The following VPS26C variants were observed in gnomAD, a reference collection of about 807,000 sequenced individuals.
VPS26C encodes the protein vacuolar protein sorting-associated protein 26C.
A neutral mutation model predicts 30.6 loss-of-function variants in VPS26C; 19 were observed. The observed-to-expected ratio is 0.62, with a 90% CI of 0.43 to 0.91. The LOEUF is 0.91. VPS26C is among the 40% of genes least tolerant of loss of function. VPS26C has a pLI of 0.00. For synonymous variants in VPS26C, 132 were observed against 151.5 expected, an observed-to-expected ratio of 0.87 and a Z score of 0.95; for missense variants, 318 against 385.1, an observed-to-expected ratio of 0.83 and a Z score of 1.46.
chr21:37,225,543 G>A lies in VPS26C; in HGVS notation c.*1C>T. 1 of 1,613,706 alleles carries A rather than the reference G, an allele frequency of 6.2e-7. No homozygotes were observed. The highest frequency in any genetic ancestry group is 8.5e-7 in the Non-Finnish European group (1 of 1,179,610). On this transcript the variant is annotated 3_prime_UTR_variant, in exon 8 of 8. Transcript: ENST00000309117. ...CGTTCTCTATGCTTCCCTCCTCCGG[G>A]CTATATCCTGCAGAGCTTCAGCGGG... is the stretch of plus-strand genomic sequence containing the variant.
At chr21:37,227,550 G>A in intron 7 of VPS26C, 104 bp downstream of exon 7, 2 of 1,345,898 alleles carry the variant, frequency 1.5e-6, no homozygotes, top group Non-Finnish European at 1.0e-6. Context: ...GGCACTGAGG[G>A]ACCGAAGGGC....
chr21:37,265,545 G>A lies in VPS26C; in HGVS notation c.57+1693C>T, dbSNP rs372882002. Among the ~76,000 whole-genome samples the A allele has an allele frequency of 3.9e-5, 6 of 152,108 alleles. No homozygotes were observed. The East Asian group carries it at 1.2e-3, about 29-fold the overall frequency. On this transcript the variant is annotated intron_variant, in intron 1 of 7. Transcript: ENST00000309117. Reference sequence around the variant, plus strand: ...TATACAACAATTATAGTCCATAGTCGAATTTATATTTTATCAGAAATTAAG... The same window carrying A: ...TATACAACAATTATAGTCCATAGTCAAATTTATATTTTATCAGAAATTAAG...
intron 1 of VPS26C, among the ~76,000 whole-genome samples, chr21:37,244,780 G>A (rs1354518861): frequency 6.6e-6 from 1 of 152,184 alleles, no homozygotes; most frequent in Non-Finnish European, 1.5e-5. Context: ...GTTAAAAGAA[G>A]TGAAGACTGA....
intron 1 of VPS26C, among the ~76,000 whole-genome samples, chr21:37,255,851 AT>A (rs375877407): frequency 0.14 from 15,615 of 108,206 alleles, 1,270 homozygotes; most frequent in East Asian, 0.27. Context: ...TATGCACTGC[AT>A]TTTTTTTTTT....
At chr21:37,240,413 C>T in intron 2 of VPS26C, 83 bp downstream of exon 2, 1 of 1,509,952 alleles carries the variant, frequency 6.6e-7, no homozygotes, top group Non-Finnish European at 9.0e-7. Flanking sequence ...GCCTGAGCCA[C>T]TGCGCCTGGC....
chr21:37,253,251 GGCATGCTT>G (rs1274375092), intron 1 of VPS26C, among the ~76,000 whole-genome samples: 1 of 152,100 alleles, frequency 6.6e-6, no homozygotes, highest in African/African-American at 2.4e-5. Flanking sequence ...CAACTTTTTT[GGCATGCTT>G]GCTGTATCAG....
chr21:37,232,852 T>C (rs193111369), intron 4 of VPS26C, among the ~76,000 whole-genome samples: 1 of 152,296 alleles, frequency 6.6e-6, no homozygotes, highest in Admixed American at 6.5e-5. Flanking sequence ...AGTGGCCTGC[T>C]CAGCTCAGTG....
At chr21:37,244,696 A>G (rs935175739) in intron 1 of VPS26C, among the ~76,000 whole-genome samples, 5 of 152,260 alleles carry the variant, frequency 3.3e-5, no homozygotes, top group Non-Finnish European at 7.3e-5. Context: ...CCAAAGAATG[A>G]GAACCAAAAC....
At chr21:37,263,960 T>G (rs1019408761) in intron 1 of VPS26C, among the ~76,000 whole-genome samples, 6 of 152,162 alleles carry the variant, frequency 3.9e-5, no homozygotes, top group African/African-American at 1.4e-4. Context: ...ACATATGCAC[T>G]GTCTGCAGTC....
intron 1 of VPS26C, among the ~76,000 whole-genome samples, chr21:37,247,871 C>CAATTCTAAAGGAGCA (rs2086152833): frequency 6.6e-6 from 1 of 152,108 alleles, no homozygotes; most frequent in African/African-American, 2.4e-5. Flanking sequence ...AGGAGCAACT[C>CAATTCTAAAGGAGCA]ACAATAAAGA....
chr21:37,267,405 T>C, upstream of VPS26C: 2 of 905,426 alleles, frequency 2.2e-6, no homozygotes, highest in Admixed American at 2.0e-5. Flanking sequence ...CTGCCGGCAG[T>C]GGCTCACGTG....
rs143372105 is a variant in VPS26C at position 37,233,006 on chromosome 21, G to C, written c.432+356C>G. Reference sequence around the variant, plus strand: ...ATCACCTCCATGTTACATAATTTCAGAATCTACAGATACAGCCGAGCTTCA... The same window carrying C: ...ATCACCTCCATGTTACATAATTTCACAATCTACAGATACAGCCGAGCTTCA... On this transcript the variant is annotated intron_variant, in intron 4 of 7. Coordinates refer to ENST00000309117, the MANE Select transcript of VPS26C (RefSeq NM_006052.2). The surrounding 1 kb of genome is among the most constrained non-coding windows in gnomAD (Gnocchi z 5.2). Among the ~76,000 whole-genome samples, 265 of 152,270 alleles carry C rather than the reference G, an allele frequency of 1.7e-3. No homozygotes were observed. Among genetic ancestry groups the C allele is most frequent in the Admixed American group, 3.0e-3 (46 of 15,302 alleles).
In VPS26C at chr21:37,226,353, C is replaced by A. The variant is rs1000086277; in HGVS notation, c.812-727G>T. 3.3e-5 allele frequency: 5 copies of A among 152,330 alleles called. No individual in the cohort carries two copies. Among genetic ancestry groups the A allele is most frequent in the African/African-American group, 1.2e-4 (5 of 41,452 alleles). The allele number at this position is 152,330 out of a possible 1,614,324, so 9.4% of individuals were successfully genotyped here. ...GTGGAAGGGGCCTTGGAGTCAGTGC[C>A]CACCTGTGGCTGGGGTCTGCAGGAC... On this transcript the variant is annotated intron_variant, in intron 7 of 7. Transcript: ENST00000309117. This position sits in a 1 kb window ranked among gnomAD's most constrained non-coding sequence, Gnocchi z 4.1.
rs1285770577 is a variant in VPS26C at position 37,227,824 on chromosome 21, C to T, written c.659-18G>A. ...TGCACACCCTGCGGGAGGGAGGCCACATCACGCGGTCAGGGCCAGCAGAGG... is the reference window on the plus strand; with the variant it reads ...TGCACACCCTGCGGGAGGGAGGCCATATCACGCGGTCAGGGCCAGCAGAGG... On this transcript the variant is annotated intron_variant, in intron 6 of 7. Coordinates refer to ENST00000309117, the MANE Select transcript of VPS26C (RefSeq NM_006052.2). The T allele has an allele frequency of 1.9e-6, 3 of 1,601,084 alleles. No individual in the cohort carries two copies. Among genetic ancestry groups the T allele is most frequent in the Non-Finnish European group, 2.5e-6 (3 of 1,177,074 alleles).
chr21:37,239,399 C>CAACT (rs1254820364), intron 2 of VPS26C, among the ~76,000 whole-genome samples: 1 of 152,142 alleles, frequency 6.6e-6, no homozygotes, highest in East Asian at 1.9e-4. Flanking sequence ...CAGGAAAAGG[C>CAACT]AACTACAAGA....
intron 5 of VPS26C, among the ~76,000 whole-genome samples, chr21:37,231,080 C>A (rs1479657772): frequency 6.6e-6 from 1 of 152,200 alleles, no homozygotes. Flanking sequence ...TGCTGAGGAC[C>A]AGGAGAACAG....
intron 1 of VPS26C, among the ~76,000 whole-genome samples, chr21:37,241,613 T>C (rs1305479571): frequency 6.6e-6 from 1 of 151,554 alleles, no homozygotes; most frequent in Non-Finnish European, 1.5e-5. Context: ...AGCCTAGGAG[T>C]TTGAGACCAG....
intron 5 of VPS26C, among the ~76,000 whole-genome samples, chr21:37,231,200 A>G (rs1016217612): frequency 1.3e-5 from 2 of 152,222 alleles, no homozygotes; most frequent in African/African-American, 4.8e-5. Flanking sequence ...TAAGGAAAAC[A>G]AAAGCAAGAA....
At chr21:37,256,666 TAC>T (rs2086246637) in intron 1 of VPS26C, among the ~76,000 whole-genome samples, 1 of 152,190 alleles carries the variant, frequency 6.6e-6, no homozygotes, top group Admixed American at 6.5e-5. Context: ...AGCTCTCTAT[TAC>T]AGAGAGTAAA....
Sources: allele counts gnomAD v4.1 joint callset (sites outside exome capture counted in the v4.1 genomes callset), GRCh38; gene constraint gnomAD v4.1.1; non-coding constraint Gnocchi (gnomAD v3.1); transcripts MANE v1.5; gene names NCBI Gene and HGNC (gene_info 2026-07-23, HGNC 2026-07-21).